Variants in RGS5 observed in about 807,000 individuals in gnomAD.
The protein encoded by RGS5 is regulator of G protein signaling 5.
Under a neutral mutation model 18.9 loss-of-function variants are expected in RGS5, and 20 were observed. The ratio of observed to expected loss-of-function variants is 1.06; its 90% CI spans 0.74 to 1.54. The LOEUF (loss-of-function observed/expected upper bound fraction) is 1.54. Among genes scored for constraint, RGS5 ranks in the 40% most tolerant of loss-of-function variants. The pLI is 0.00. For missense variants in RGS5, 201 were observed against 211.8 expected, an observed-to-expected ratio of 0.95 and a Z score of 0.32; for synonymous variants, 57 against 76.2, an observed-to-expected ratio of 0.75 and a Z score of 1.31.
chr1:163,171,696 G>T lies in RGS5; in HGVS notation c.45-3328C>A, dbSNP rs145003491. 4.6e-3 allele frequency among the ~76,000 whole-genome samples: 694 copies of T among 152,298 alleles called. 5 individuals carry two copies. Among genetic ancestry groups the T allele is most frequent in the African/African-American group, 0.016 (667 of 41,562 alleles). On this transcript the variant is annotated intron_variant, in intron 1 of 4. Coordinates refer to ENST00000313961, the MANE Select transcript of RGS5 (RefSeq NM_003617.4). The stretch of plus-strand genomic sequence containing the variant: ...GAGATTAAGGGATAATTAGAACAAA[G>T]AAATCGAATGTATGTAAAAGAATTA...
chr1:163,236,020 TCTGAGA>T (rs1216660719), intron 2 of RGS5, among the ~76,000 whole-genome samples: 1 of 152,210 alleles, frequency 6.6e-6, no homozygotes, highest in African/African-American at 2.4e-5. Context: ...TGATCTAGAT[TCTGAGA>T]CTATCTCTTA....
intron 1 of RGS5, among the ~76,000 whole-genome samples, chr1:163,310,848 C>A (rs1039658383): frequency 6.6e-6 from 1 of 152,074 alleles, no homozygotes. Flanking sequence ...CTGAGGAGGC[C>A]TCAGGAAACT....
At position 163,144,704 on chromosome 1, in the gene RGS5, A is replaced by G. The variant is rs1657062590; in HGVS notation, c.*2638T>C. 6.6e-6 allele frequency: 1 copy of G among 152,508 alleles called. No homozygotes were observed. Among genetic ancestry groups the G allele is most frequent in the Non-Finnish European group, 1.5e-5 (1 of 68,004 alleles). 9.4% of individuals were successfully genotyped at this position (152,508 alleles called of 1,614,324 possible). A position where few individuals can be genotyped will look rare whatever the true frequency, so the allele number is the denominator to read the frequency against. On this transcript the variant is annotated 3_prime_UTR_variant, in exon 5 of 5. Transcript: ENST00000313961. ...ATGTTTTTCCTGGAAAGATCACCCC[A>G]CTTTTTCTAATTTCCCAGAATTAAA...
intron 2 of RGS5, among the ~76,000 whole-genome samples, chr1:163,226,162 C>T (rs977353621): frequency 2.0e-5 from 3 of 150,098 alleles, no homozygotes; most frequent in Non-Finnish European, 4.5e-5. Context: ...TCAGGTGATC[C>T]GCCCACCTTG....
At chr1:163,200,458 C>T (rs574958993) in intron 1 of RGS5, among the ~76,000 whole-genome samples, 4 of 152,134 alleles carry the variant, frequency 2.6e-5, no homozygotes, top group African/African-American at 9.6e-5. Context: ...AATGCAAAGA[C>T]AGGAGCCTGT....
chr1:163,232,263 A>T (rs985984096), intron 2 of RGS5, among the ~76,000 whole-genome samples: 25 of 152,180 alleles, frequency 1.6e-4, no homozygotes, highest in Admixed American at 4.6e-4. Context: ...TGAATTGCTT[A>T]TTTGTGATGA....
chr1:163,221,219 C>T (rs769370234), upstream of RGS5, among the ~76,000 whole-genome samples: 69 of 152,154 alleles, frequency 4.5e-4, no homozygotes, highest in South Asian at 6.2e-4. Context: ...CTGTAGAGAC[C>T]GGGCGCGGTG....
intron 2 of RGS5, among the ~76,000 whole-genome samples, chr1:163,226,068 G>A (rs1351513070): frequency 1.3e-5 from 2 of 151,972 alleles, no homozygotes; most frequent in Non-Finnish European, 2.9e-5. Flanking sequence ...TTACAGGCGT[G>A]AGCCACTATG....
chr1:163,312,111 C>T (rs1649884344), intron 1 of RGS5, among the ~76,000 whole-genome samples: 2 of 152,264 alleles, frequency 1.3e-5, no homozygotes, highest in African/African-American at 4.8e-5. Context: ...GTGGTTTCCT[C>T]CATGCTGTTC....
chr1:163,287,811 C>T (rs1571342337), intron 2 of RGS5, among the ~76,000 whole-genome samples: 2 of 152,184 alleles, frequency 1.3e-5, no homozygotes, highest in African/African-American at 4.8e-5. Context: ...TATTACATTT[C>T]ACCACAGCTT....
intron 1 of RGS5, among the ~76,000 whole-genome samples, chr1:163,316,619 T>G (rs1324980988): frequency 7.6e-6 from 1 of 132,156 alleles, no homozygotes; most frequent in Non-Finnish European, 1.7e-5. Flanking sequence ...TAATATCAGA[T>G]AGCATTTTAA....
intron 2 of RGS5, among the ~76,000 whole-genome samples, chr1:163,270,942 T>G (rs1648703117): frequency 6.6e-6 from 1 of 152,160 alleles, no homozygotes; most frequent in Non-Finnish European, 1.5e-5. Flanking sequence ...TAAAGCTTTT[T>G]AAAATAGATA....
intron 1 of RGS5, chr1:163,211,756 T>A (rs12730221): frequency 0.14 from 20,857 of 151,962 alleles, 1,502 homozygotes; most frequent in Non-Finnish European, 0.15. Context: ...AAACAAGGAG[T>A]CCTACTCTGT....
intron 2 of RGS5, among the ~76,000 whole-genome samples, chr1:163,255,707 CCT>C (rs1291950503): frequency 6.6e-6 from 1 of 151,610 alleles, no homozygotes; most frequent in Non-Finnish European, 1.5e-5. Flanking sequence ...ATGCAAAAAT[CCT>C]CAGTAAAATA....
At chr1:163,273,131 T>C (rs1211459218) in intron 2 of RGS5, among the ~76,000 whole-genome samples, 1 of 152,128 alleles carries the variant, frequency 6.6e-6, no homozygotes, top group Non-Finnish European at 1.5e-5. Context: ...AAAAAATGCA[T>C]TGAGACGTAT....
chr1:163,238,151 G>C (rs1204926951), intron 2 of RGS5: 1 of 152,744 alleles, frequency 6.5e-6, no homozygotes, highest in Non-Finnish European at 1.5e-5. Context: ...AGGAGTACTA[G>C]CTTTTTAAAA....
chr1:163,269,967 T>G (rs548911355), intron 2 of RGS5, among the ~76,000 whole-genome samples: 2 of 152,252 alleles, frequency 1.3e-5, no homozygotes, highest in South Asian at 4.1e-4. Flanking sequence ...AAGATCTCTA[T>G]TATTAAACTC....
intron 1 of RGS5, among the ~76,000 whole-genome samples, chr1:163,187,294 A>T (rs931369113): frequency 1.3e-5 from 2 of 152,210 alleles, no homozygotes; most frequent in Non-Finnish European, 2.9e-5. Context: ...ATTTTTCTCA[A>T]TCTTGCCAGC....
At chr1:163,227,915 T>C (rs548341346) in intron 2 of RGS5, among the ~76,000 whole-genome samples, 2 of 152,200 alleles carry the variant, frequency 1.3e-5, no homozygotes, top group Non-Finnish European at 2.9e-5. Flanking sequence ...TCTCCTTTAA[T>C]TGTATGTCTC....
Sources: allele counts gnomAD v4.1 joint callset (sites outside exome capture counted in the v4.1 genomes callset), GRCh38; gene constraint gnomAD v4.1.1; transcripts MANE v1.5; gene names NCBI Gene and HGNC (gene_info 2026-07-23, HGNC 2026-07-21).